Variants in NCAPD3 observed in about 807,000 individuals in gnomAD.
The protein encoded by NCAPD3 is non-SMC condensin II complex subunit D3.
A neutral mutation model predicts 182.9 loss-of-function variants in NCAPD3; 105 were observed. The observed-to-expected ratio is 0.57, with a 90% confidence interval of 0.49 to 0.68. The LOEUF is 0.68. Among genes scored for constraint, NCAPD3 ranks in the 30% least tolerant of loss-of-function variants. NCAPD3 has a pLI of 0.00. For synonymous variants in NCAPD3, 815 were observed against 679.9 expected (o/e 1.20, Z -3.09); for missense variants, 1,944 against 1,837.0 (o/e 1.06, Z -1.07).
Position 134,168,593 on chromosome 11 carries a change from C to T in NCAPD3, c.3249G>A (p.Arg1083=), listed in dbSNP as rs747546929. 6.2e-7 allele frequency: 1 copy of T among 1,614,068 alleles called. No individual in the cohort carries two copies. Among genetic ancestry groups the T allele is most frequent in the Non-Finnish European group, 8.5e-7 (1 of 1,180,022 alleles). The change falls in exon 26 of 35, where the codon CGG becomes CGA. Residue 1083 remains arginine, a synonymous_variant. Coordinates refer to ENST00000534548, the MANE Select transcript of NCAPD3 (RefSeq NM_015261.3). ...NKFPQSEREK[R]LFSLKGKSNK... is the part of the protein sequence containing the mutation. ...TTGACTTTCCCTTCAATGAAAACAG[C>T]CGCTTCTCTCTGTGGCAGAACGGGA...
At chr11:134,216,355 G>A (rs1416405998) in intron 3 of NCAPD3, among the ~76,000 whole-genome samples, 1 of 152,094 alleles carries the variant, frequency 6.6e-6, no homozygotes, top group Non-Finnish European at 1.5e-5. Context: ...CAATCTCTAT[G>A]TTCCACTCTC....
At chr11:134,221,843 C>A (rs1245335033) in intron 1 of NCAPD3, among the ~76,000 whole-genome samples, 1 of 152,198 alleles carries the variant, frequency 6.6e-6, no homozygotes, top group African/African-American at 2.4e-5. Context: ...GAACTTGACC[C>A]TGAAGGAGGG....
intron 11 of NCAPD3, 72 bp from the exon 12 acceptor site, chr11:134,203,270 A>T (rs1361191036): frequency 9.0e-7 from 1 of 1,105,420 alleles, no homozygotes; most frequent in African/African-American, 1.6e-5. Flanking sequence ...CGGAGGAATC[A>T]AAATCAAGAT....
At chr11:134,200,875 AACTG>A (rs547367748) in intron 13 of NCAPD3, among the ~76,000 whole-genome samples, 54 of 152,350 alleles carry the variant, frequency 3.5e-4, no homozygotes, top group East Asian at 3.3e-3. Flanking sequence ...GTATCCTTAT[AACTG>A]ACTATTACTC....
At chr11:134,181,053 T>C (rs1835410747) in intron 20 of NCAPD3, 24 bp downstream of exon 20, 2 of 1,539,908 alleles carry the variant, frequency 1.3e-6, no homozygotes, top group Admixed American at 1.7e-5. Flanking sequence ...GCGAAAAGAA[T>C]GGTTAGGAAA....
intron 1 of NCAPD3, among the ~76,000 whole-genome samples, chr11:134,222,275 A>G (rs754800242): frequency 9.9e-5 from 15 of 152,262 alleles, no homozygotes; most frequent in Non-Finnish European, 2.1e-4. Context: ...AGGAAGAAAT[A>G]CATCACCTAT....
chr11:134,155,848 G>C (rs767868538), intron 32 of NCAPD3, among the ~76,000 whole-genome samples: 2 of 151,084 alleles, frequency 1.3e-5, no homozygotes, highest in African/African-American at 4.9e-5. Flanking sequence ...GTCATGATTC[G>C]GTTGTCGTCT....
intron 28 of NCAPD3, 94 bp from the exon 29 acceptor site, chr11:134,160,168 C>T (rs1943537869): frequency 8.1e-7 from 1 of 1,236,452 alleles, no homozygotes; most frequent in African/African-American, 1.5e-5. Flanking sequence ...TGTAACAAAC[C>T]TGCACATCCT....
At chr11:134,224,665 C>A (rs1591873625), upstream of NCAPD3, 1 of 152,226 alleles carries the variant, frequency 6.6e-6, no homozygotes. Context: ...GCCCCCTCCC[C>A]CGCCCGGAGC....
chr11:134,161,829 C>A lies in NCAPD3; in HGVS notation c.3636G>T (p.Leu1212=). ...IPIIISLKTV[L]EKNKIPALRE... is the part of the protein sequence containing the mutation. ...GCAAAGCTGGGATCTTATTTTTCTC[C>A]AGCACAGTCTTCAGGGAGATGATAA... is the stretch of plus-strand genomic sequence containing the variant. The change falls in exon 28 of 35, where the codon CTG becomes CTT. Residue 1212 remains leucine (L), a synonymous_variant. Coordinates refer to ENST00000534548, the MANE Select transcript of NCAPD3 (RefSeq NM_015261.3). The A allele has an allele frequency of 6.3e-7, 1 of 1,595,558 alleles. No homozygotes were observed. Among genetic ancestry groups the A allele is most frequent in the South Asian group, 1.1e-5 (1 of 89,500 alleles).
intron 32 of NCAPD3, among the ~76,000 whole-genome samples, chr11:134,156,689 G>C (rs1248676141): frequency 1.3e-5 from 2 of 149,992 alleles, no homozygotes; most frequent in South Asian, 2.1e-4. Context: ...AGTGCACCCG[G>C]ACAGCCCAGA....
chr11:134,209,224 A>G lies in NCAPD3; in HGVS notation c.733-18T>C. The G allele has an allele frequency of 6.2e-7, 1 of 1,611,472 alleles. No homozygotes were observed. The highest frequency in any genetic ancestry group is 8.5e-7 in the Non-Finnish European group (1 of 1,178,862). On this transcript the variant is annotated intron_variant, in intron 5 of 34. Coordinates refer to ENST00000534548, the MANE Select transcript of NCAPD3 (RefSeq NM_015261.3). ...ACAAAGACCTAGAAAACAGATATGA[A>G]GAAAAGGCCTGATTTTTTCTACTGA... is the stretch of plus-strand genomic sequence containing the variant.
chr11:134,152,927 C>G lies in NCAPD3; in HGVS notation c.*17G>C, dbSNP rs772948482. 8.6e-6 allele frequency: 13 copies of G among 1,519,624 alleles called. No individual in the cohort carries two copies. Among genetic ancestry groups the G allele is most frequent in the Non-Finnish European group, 1.1e-5 (13 of 1,132,448 alleles). The allele number at this position is 1,519,624 out of a possible 1,614,324, so 94.1% of individuals were successfully genotyped here. A position where few individuals can be genotyped will look rare whatever the true frequency, so the allele number is the denominator to read the frequency against. Reference sequence around the variant, plus strand: ...TCAAGGGCTCCTGCCTGCCTGGACACTGGTGGGAGGCGCTGTTTAGTTGGC... The same window carrying G: ...TCAAGGGCTCCTGCCTGCCTGGACAGTGGTGGGAGGCGCTGTTTAGTTGGC... On this transcript the variant is annotated 3_prime_UTR_variant, in exon 35 of 35. Transcript: ENST00000534548.
chr11:134,163,830 C>G (rs1245897590), intron 27 of NCAPD3, among the ~76,000 whole-genome samples: 3 of 141,258 alleles, frequency 2.1e-5, no homozygotes, highest in Non-Finnish European at 4.5e-5. Context: ...TGAGATCGCG[C>G]CACTGCACTC....
chr11:134,155,067 C>T (rs1943381868), intron 32 of NCAPD3, among the ~76,000 whole-genome samples: 1 of 152,156 alleles, frequency 6.6e-6, no homozygotes, highest in Admixed American at 6.5e-5. Flanking sequence ...CTGACGTCCC[C>T]CATGCACTGT....
chr11:134,193,578 C>A (rs1944566338), intron 15 of NCAPD3, among the ~76,000 whole-genome samples: 1 of 152,154 alleles, frequency 6.6e-6, no homozygotes, highest in African/African-American at 2.4e-5. Flanking sequence ...CATAGTGAAA[C>A]CCTGTCTCTA....
chr11:134,199,003 G>A (rs989622757), intron 13 of NCAPD3, among the ~76,000 whole-genome samples: 4 of 152,030 alleles, frequency 2.6e-5, no homozygotes, highest in Non-Finnish European at 4.4e-5. Flanking sequence ...AAACGAACAT[G>A]GCAACACTCC....
At chr11:134,208,164 T>TA (rs1192734529) in intron 7 of NCAPD3, among the ~76,000 whole-genome samples, 1 of 152,228 alleles carries the variant, frequency 6.6e-6, no homozygotes, top group Non-Finnish European at 1.5e-5. Context: ...AATATCTTCG[T>TA]AACCAGGTTA....
At position 134,192,767 on chromosome 11, in the gene NCAPD3, T is replaced by C. The variant is rs149893122; in HGVS notation, c.1967A>G (p.His656Arg). ...CTGGCTGTCGTCCCCAGAGTGAAAATGACTGTGATGCCGGATGTTCTGCAG... is the reference window on the plus strand; with the variant it reads ...CTGGCTGTCGTCCCCAGAGTGAAAACGACTGTGATGCCGGATGTTCTGCAG... ...LLLQNIRHHS[H>R]FHSGDDSQVL... The change falls in exon 16 of 35, where the codon CAT becomes CGT. Residue 656 changes from histidine (H) to arginine (R), a missense_variant. By Grantham distance (29) the His-to-Arg change is conservative. This residue lies in a region of NCAPD3 where 1,803 missense variants were observed against 1,674.6 expected (regional missense o/e 1.08). Transcript: ENST00000534548. 6.2e-7 allele frequency: 1 copy of C among 1,614,018 alleles called. No individual in the cohort carries two copies. Among genetic ancestry groups the C allele is most frequent in the Non-Finnish European group, 8.5e-7 (1 of 1,180,004 alleles).
Sources: gnomAD v4.1 joint callset for allele counts (sites outside exome capture counted in the v4.1 genomes callset) on GRCh38, gnomAD v4.1.1 for gene constraint, gnomAD v4.1.1 regional missense constraint, MANE v1.5 for transcripts, NCBI Gene and HGNC (gene_info 2026-07-23, HGNC 2026-07-21) for gene names.